Variants in GCA observed in about 807,000 individuals in gnomAD.
GCA encodes the protein grancalcin, EF-hand calcium-binding protein.
GCA carries 30 observed loss-of-function variants against 32.6 expected under a neutral mutation model. That is an observed-to-expected ratio of 0.92 (90% confidence interval 0.69 to 1.25). The LOEUF (loss-of-function observed/expected upper bound fraction) is 1.25, where lower values mean the gene tolerates loss of function less well. GCA is among the 50% of genes most tolerant of loss of function. GCA has a pLI of 0.00. For missense variants in GCA, 291 were observed against 266.8 expected (o/e 1.09, Z -0.63); for synonymous variants, 102 against 84.6 (o/e 1.21, Z -1.13).
At chr2:162,358,238 AT>A (rs1685384888) in intron 5 of GCA, among the ~76,000 whole-genome samples, 1 of 151,544 alleles carries the variant, frequency 6.6e-6, no homozygotes, top group South Asian at 2.1e-4. Flanking sequence ...AGGACCATCT[AT>A]AAGGGTACAG....
chr2:162,322,619 C>T (rs1334751067), intron 1 of GCA, among the ~76,000 whole-genome samples: 1 of 142,864 alleles, frequency 7.0e-6, no homozygotes, highest in Non-Finnish European at 1.5e-5. Context: ...CATGTGTTCG[C>T]ATTGTTCAAT....
At chr2:162,356,199 C>T (rs972379651) in intron 3 of GCA, among the ~76,000 whole-genome samples, 1 of 152,002 alleles carries the variant, frequency 6.6e-6, no homozygotes, top group Non-Finnish European at 1.5e-5. Flanking sequence ...CAGTAATTTT[C>T]AGTTAGTTTG....
chr2:162,336,536 C>T (rs1487082419), intron 1 of GCA, among the ~76,000 whole-genome samples: 1 of 152,058 alleles, frequency 6.6e-6, no homozygotes, highest in Non-Finnish European at 1.5e-5. Context: ...CTTTCTCCTC[C>T]CATCTCCTCT....
chr2:162,326,030 C>T (rs973363132), intron 1 of GCA, among the ~76,000 whole-genome samples: 4 of 151,992 alleles, frequency 2.6e-5, no homozygotes, highest in African/African-American at 7.2e-5. Flanking sequence ...ATGGGGAGGT[C>T]GGGGTGGACC....
rs986853147 is a variant in GCA at position 162,363,099 on chromosome 2, CAAAAT to C, written c.*2860_*2864del. ...TTATGGCATTACTAAACTGGACAAA[CAAAAT>C]AAATACTCTTTGTCGGAAATGTGCT... On this transcript the variant is annotated 3_prime_UTR_variant, in exon 8 of 8. Coordinates refer to ENST00000437150, the MANE Select transcript of GCA (RefSeq NM_012198.5). Among the ~76,000 whole-genome samples, 13 of 151,398 alleles carry C rather than the reference CAAAAT, an allele frequency of 8.6e-5. No individual in the cohort carries two copies. Among genetic ancestry groups the C allele is most frequent in the African/African-American group, 2.7e-4 (11 of 41,446 alleles).
chr2:162,366,021 T>C (rs1486945021), downstream of GCA, among the ~76,000 whole-genome samples: 1 of 151,694 alleles, frequency 6.6e-6, no homozygotes, highest in Non-Finnish European at 1.5e-5. Flanking sequence ...TTGTGATTAC[T>C]TTCAATATAA....
At chr2:162,371,144 G>A (rs569027496) in intron 4 of GCA, among the ~76,000 whole-genome samples, 1 of 152,180 alleles carries the variant, frequency 6.6e-6, no homozygotes, top group African/African-American at 2.4e-5. Context: ...TAGGAAATGT[G>A]CCAGTGGAAA....
chr2:162,319,026 C>A, upstream of GCA: 2 of 397,742 alleles, frequency 5.0e-6, no homozygotes, highest in Non-Finnish European at 1.0e-5. Flanking sequence ...CAGACCCGGA[C>A]GTGAACAGGG....
At chr2:162,335,142 A>G (rs1020682580) in intron 1 of GCA, among the ~76,000 whole-genome samples, 5 of 152,140 alleles carry the variant, frequency 3.3e-5, no homozygotes, top group African/African-American at 1.2e-4. Flanking sequence ...ACGGAACCCA[A>G]TTAAAACCAG....
At chr2:162,371,804 A>T (rs750125664), downstream of GCA, 1 of 1,591,714 alleles carries the variant, frequency 6.3e-7, no homozygotes, top group Admixed American at 1.7e-5. Context: ...CTTACATTGT[A>T]TGTGGAGTAA....
intron 1 of GCA, among the ~76,000 whole-genome samples, chr2:162,320,206 A>G (rs1388580794): frequency 6.6e-6 from 1 of 152,200 alleles, no homozygotes; most frequent in Non-Finnish European, 1.5e-5. Flanking sequence ...GGCCTGATTT[A>G]TACTGTTCTT....
At chr2:162,331,815 G>C (rs575668630) in intron 1 of GCA, among the ~76,000 whole-genome samples, 1 of 152,228 alleles carries the variant, frequency 6.6e-6, no homozygotes, top group African/African-American at 2.4e-5. Flanking sequence ...AGGAGAATTT[G>C]GAAACTGGAT....
At chr2:162,370,804 G>T (rs970269348) in intron 4 of GCA, among the ~76,000 whole-genome samples, 2 of 151,992 alleles carry the variant, frequency 1.3e-5, no homozygotes, top group African/African-American at 4.8e-5. Context: ...TTACTGTATT[G>T]TCAGGCAGGA....
Position 162,360,671 on chromosome 2 carries a change from A to G in GCA, c.*428A>G. 2 of 1,316,180 alleles carry G rather than the reference A, an allele frequency of 1.5e-6. No homozygotes were observed. The highest frequency in any genetic ancestry group is 3.7e-5 in the Admixed American group (1 of 27,308). The allele number at this position is 1,316,180 out of a possible 1,614,324, so 81.5% of individuals were successfully genotyped here. ...TTTTCTTTGTAGTTGGTGGTGTTTG[A>G]GGGTTGGCTAGAAATGAAAGCCTGG... On this transcript the variant is annotated 3_prime_UTR_variant, in exon 8 of 8. Transcript: ENST00000437150.
chr2:162,362,603 A>G lies in GCA; in HGVS notation c.*2360A>G. 1 of 921,148 alleles carries G rather than the reference A, an allele frequency of 1.1e-6. No homozygotes were observed. Among genetic ancestry groups the G allele is most frequent in the Non-Finnish European group, 1.3e-6 (1 of 771,602 alleles). The allele number at this position is 921,148 out of a possible 1,614,324, so 57.1% of individuals were successfully genotyped here. On this transcript the variant is annotated 3_prime_UTR_variant, in exon 8 of 8. Coordinates refer to ENST00000437150, the MANE Select transcript of GCA (RefSeq NM_012198.5). ...AAACATGTTTCCATGTCATTTTGAG[A>G]ATTTTTTTAATAAACATTCAAATAG...
At chr2:162,352,241 A>T in intron 2 of GCA, 97 bp from the exon 3 acceptor site, 1 of 715,154 alleles carries the variant, frequency 1.4e-6, no homozygotes, top group Non-Finnish European at 2.5e-6. Flanking sequence ...GTTTCAAAGA[A>T]TGCATATGTC....
rs202023293 is a variant in GCA at position 162,321,933 on chromosome 2, T to C, written c.-31+2708T>C. The stretch of plus-strand genomic sequence containing the variant: ...ATATATATATATATATATATATATA[T>C]ACACACATACATATAAACACTATAT... On this transcript the variant is annotated intron_variant, in intron 1 of 4. Coordinates refer to the GCA transcript ENST00000429691. Among the ~76,000 whole-genome samples the C allele has an allele frequency of 9.8e-3, 846 of 86,028 alleles. 13 individuals carry two copies. Among genetic ancestry groups the C allele is most frequent in the East Asian group, 0.032 (88 of 2,754 alleles). The allele number at this position is 86,028 out of a possible 152,430, so 56.4% of individuals were successfully genotyped here.
At chr2:162,367,143 C>T (rs193302218), downstream of GCA, among the ~76,000 whole-genome samples, 1 of 151,940 alleles carries the variant, frequency 6.6e-6, no homozygotes, top group Admixed American at 6.6e-5. Flanking sequence ...ATTTTGGATA[C>T]TGGGGCTTAC....
chr2:162,331,862 T>C (rs1170508429), intron 1 of GCA, among the ~76,000 whole-genome samples: 1 of 152,220 alleles, frequency 6.6e-6, no homozygotes, highest in Non-Finnish European at 1.5e-5. Flanking sequence ...CATTCATAAT[T>C]CATTTTGGCT....
Sources: allele counts gnomAD v4.1 joint callset (sites outside exome capture counted in the v4.1 genomes callset), GRCh38; gene constraint gnomAD v4.1.1; transcripts MANE v1.5; gene names NCBI Gene and HGNC (gene_info 2026-07-23, HGNC 2026-07-21).